MALRD1: variants seen among roughly 807,000 people sequenced by gnomAD.
MALRD1 encodes MAM and LDL receptor class A domain containing 1.
Under a neutral mutation model 242.1 loss-of-function variants are expected in MALRD1, and 247 were observed. That is an observed-to-expected ratio of 1.02 (90% CI 0.92 to 1.13). The LOEUF (loss-of-function observed/expected upper bound fraction) is 1.13, where lower values mean the gene tolerates loss of function less well. Ranked by LOEUF, MALRD1 falls within the 50% of genes most tolerant of loss-of-function variation. The pLI, the probability that MALRD1 is intolerant of heterozygous loss-of-function variation, is 0.00. For missense variants in MALRD1, 2,989 were observed against 2,533.1 expected, an observed-to-expected ratio of 1.18 and a Z score of -3.86; for synonymous variants, 995 against 866.6, an observed-to-expected ratio of 1.15 and a Z score of -2.60.
intron 28 of MALRD1, among the ~76,000 whole-genome samples, chr10:19,428,591 T>C (rs1013235349): frequency 2.0e-5 from 3 of 152,010 alleles, no homozygotes; most frequent in Admixed American, 6.6e-5. Flanking sequence ...CCTTCACATA[T>C]ATTATCTCTT....
intron 12 of MALRD1, among the ~76,000 whole-genome samples, chr10:19,161,550 C>CAAAAAAAAAAAAAAAAAAAAAAAACA: frequency 1.6e-5 from 1 of 60,838 alleles, no homozygotes; most frequent in Non-Finnish European, 3.0e-5. Context: ...AAAAAAAAAG[C>CAAAAAAAAAAAAAAAAAAAAAAAACA]AAAAAAAAAA....
At chr10:19,490,511 G>GGGT (rs1554783747) in intron 29 of MALRD1, among the ~76,000 whole-genome samples, 1 of 128,396 alleles carries the variant, frequency 7.8e-6, no homozygotes, top group Non-Finnish European at 1.7e-5. Flanking sequence ...TGGGGCGGGG[G>GGGT]GGGGGCAGGG....
intron 19 of MALRD1, among the ~76,000 whole-genome samples, chr10:19,276,499 C>G (rs1417343403): frequency 6.6e-6 from 1 of 151,944 alleles, no homozygotes; most frequent in Non-Finnish European, 1.5e-5. Context: ...GTTTTGCAGT[C>G]CTCAGCAAAT....
At chr10:19,157,272 C>T (rs1172909016) in intron 12 of MALRD1, among the ~76,000 whole-genome samples, 11 of 137,680 alleles carry the variant, frequency 8.0e-5, no homozygotes, top group Admixed American at 2.2e-4. Flanking sequence ...TCTTTCTTTC[C>T]TTTTTTTTTT....
At chr10:19,168,031 T>A (rs1834773246) in intron 13 of MALRD1, among the ~76,000 whole-genome samples, 1 of 152,222 alleles carries the variant, frequency 6.6e-6, no homozygotes, top group Non-Finnish European at 1.5e-5. Context: ...CCTTGGATAT[T>A]GTCTGGAAAT....
In MALRD1 at chr10:19,730,720, G is replaced by A. The variant is rs1268128252; in HGVS notation, c.6329G>A (p.Ser2110Asn). 4.6e-6 allele frequency: 7 copies of A among 1,536,674 alleles called. No individual in the cohort carries two copies. The South Asian group carries it at 8.3e-5, about 18-fold the overall frequency. ...RKVPIRKTEG[S>N]GNCAFVNPVY... Reference sequence around the variant, plus strand: ...TGTGCTTTAAGGAAAACCGAGGGAAGTGGTAACTGTGCCTTTGTCAATCCA... The same window carrying A: ...TGTGCTTTAAGGAAAACCGAGGGAAATGGTAACTGTGCCTTTGTCAATCCA... Residue 2110 changes from serine (S) to asparagine (N), a missense_variant, in exon 39 of 40, where the codon AGT (serine) becomes AAT (asparagine). By Grantham distance (46) the Ser-to-Asn change is conservative. Transcript: ENST00000454679.
intron 38 of MALRD1, among the ~76,000 whole-genome samples, chr10:19,729,862 A>G (rs1416215959): frequency 2.8e-5 from 4 of 145,192 alleles, no homozygotes; most frequent in African/African-American, 7.7e-5. Context: ...TCAGCCTCCC[A>G]AGTAGCTGGG....
At chr10:19,243,842 G>T (rs1838919602) in intron 18 of MALRD1, among the ~76,000 whole-genome samples, 1 of 152,110 alleles carries the variant, frequency 6.6e-6, no homozygotes, top group Non-Finnish European at 1.5e-5. Context: ...CTCTGAAGAG[G>T]CTGAAAACAA....
At chr10:19,327,217 T>A (rs571897951) in intron 22 of MALRD1, among the ~76,000 whole-genome samples, 2 of 152,192 alleles carry the variant, frequency 1.3e-5, no homozygotes, top group South Asian at 4.1e-4. Flanking sequence ...ACTTTCTCAT[T>A]TGACCACATG....
chr10:19,098,116 C>G (rs773951479), intron 4 of MALRD1, among the ~76,000 whole-genome samples: 6 of 152,146 alleles, frequency 3.9e-5, no homozygotes, highest in Non-Finnish European at 8.8e-5. Flanking sequence ...GACTTCTTTT[C>G]GGTAACACTT....
intron 1 of MALRD1, 101 bp from the exon 2 acceptor site, chr10:19,066,618 A>T: frequency 3.4e-6 from 3 of 882,582 alleles, no homozygotes; most frequent in Non-Finnish European, 4.5e-6. Flanking sequence ...CTTTATGTTG[A>T]CTTATGTCAT....
intron 19 of MALRD1, among the ~76,000 whole-genome samples, chr10:19,266,047 T>C (rs1458520817): frequency 6.6e-6 from 1 of 151,970 alleles, no homozygotes; most frequent in African/African-American, 2.4e-5. Context: ...CTTTTCTGGT[T>C]TGCATTTGCA....
At chr10:19,603,662 G>A (rs944083190) in intron 34 of MALRD1, among the ~76,000 whole-genome samples, 1 of 152,162 alleles carries the variant, frequency 6.6e-6, no homozygotes, top group Admixed American at 6.6e-5. Context: ...GCTTAGGATT[G>A]TCTTGGCAAT....
chr10:19,421,034 A>G (rs1833700678), intron 28 of MALRD1, among the ~76,000 whole-genome samples: 1 of 152,210 alleles, frequency 6.6e-6, no homozygotes, highest in African/African-American at 2.4e-5. Flanking sequence ...TGGGATTTGA[A>G]TGATAAAGAT....
At chr10:19,217,942 A>G (rs72786592) in intron 18 of MALRD1, among the ~76,000 whole-genome samples, 19,495 of 152,084 alleles carry the variant, frequency 0.13, 1,341 homozygotes, top group Middle Eastern at 0.19. Flanking sequence ...CTGCATGCTA[A>G]ATGTTTGTTG....
At chr10:19,697,378 G>C (rs1195663663) in intron 38 of MALRD1, among the ~76,000 whole-genome samples, 1 of 151,964 alleles carries the variant, frequency 6.6e-6, no homozygotes, top group Non-Finnish European at 1.5e-5. Flanking sequence ...CCCAGTCTGC[G>C]CTTGAGCCCC....
intron 34 of MALRD1, among the ~76,000 whole-genome samples, chr10:19,599,668 T>G (rs11010652): frequency 0.045 from 6,774 of 152,142 alleles, 240 homozygotes; most frequent in Middle Eastern, 0.11. Context: ...GATTGTTTAT[T>G]AGAGAAATAG....
intron 36 of MALRD1, among the ~76,000 whole-genome samples, chr10:19,687,934 TTATGTTATGTTATGTTA>T (rs1281278125): frequency 2.1e-5 from 3 of 143,648 alleles, no homozygotes; most frequent in African/African-American, 7.6e-5. Flanking sequence ...TTATGTTATG[TTATGTTATGTTATGTTA>T]TGTTATGTTA....
intron 32 of MALRD1, among the ~76,000 whole-genome samples, chr10:19,565,259 G>A (rs982414157): frequency 5.9e-5 from 9 of 152,166 alleles, no homozygotes; most frequent in East Asian, 1.9e-4. Context: ...AGAATGGAAC[G>A]AAAATGAATT....
Sources: allele counts gnomAD v4.1 joint callset (sites outside exome capture counted in the v4.1 genomes callset), GRCh38; gene constraint gnomAD v4.1.1; transcripts MANE v1.5; gene names NCBI Gene and HGNC (gene_info 2026-07-23, HGNC 2026-07-21).